DEPDC5: variants seen among roughly 807,000 people sequenced by gnomAD.
The protein encoded by DEPDC5 is GATOR1 complex protein DEPDC5.
DEPDC5 carries 73 observed loss-of-function variants against 217.3 expected under a neutral mutation model. The observed-to-expected ratio is 0.34, with a 90% CI of 0.28 to 0.41. The LOEUF (loss-of-function observed/expected upper bound fraction) is 0.41, where lower values mean the gene tolerates loss of function less well. DEPDC5 is among the 10% of genes least tolerant of loss of function. The pLI is 1.00. For missense variants in DEPDC5, 1,675 were observed against 2,070.1 expected, an observed-to-expected ratio of 0.81 and a Z score of 3.70; for synonymous variants, 733 against 756.7, an observed-to-expected ratio of 0.97 and a Z score of 0.51.
At chr22:31,834,661 C>A (rs11703810) in intron 25 of DEPDC5, among the ~76,000 whole-genome samples, 16,760 of 151,778 alleles carry the variant, frequency 0.11, 983 homozygotes, top group Admixed American at 0.15. Flanking sequence ...GGATTATAGG[C>A]GCGCGCCACC....
rs184721266 is a variant in DEPDC5 at position 31,841,970 on chromosome 22, C to T, written c.2516-1125C>T. Among the ~76,000 whole-genome samples the T allele has an allele frequency of 1.6e-4, 24 of 152,314 alleles. No individual in the cohort carries two copies. The East Asian group carries it at 4.6e-3, about 29-fold the overall frequency. On this transcript the variant is annotated intron_variant, in intron 27 of 42. Transcript: ENST00000651528. ...TGTTCTTTGAGGCATGATTTTTACT[C>T]TCTTGAACACTTGTCATTTTCTTGA... is the stretch of plus-strand genomic sequence containing the variant.
chr22:31,905,947 G>A (rs2093750312), intron 41 of DEPDC5, 37 bp from the exon 42 acceptor site: 5 of 1,577,362 alleles, frequency 3.2e-6, no homozygotes, highest in Non-Finnish European at 4.4e-6. Flanking sequence ...TTTAACTAAG[G>A]AGGCGCTGAT....
In DEPDC5 at chr22:31,777,897, G is replaced by A; in HGVS notation, c.414-202G>A. 7.1e-6 allele frequency: 4 copies of A among 561,452 alleles called. No individual in the cohort carries two copies. The East Asian group carries it at 1.2e-4, about 17-fold the overall frequency. The allele number at this position is 561,452 out of a possible 1,614,324, so 34.8% of individuals were successfully genotyped here. A position where few individuals can be genotyped will look rare whatever the true frequency, so the allele number is the denominator to read the frequency against. On this transcript the variant is annotated intron_variant, in intron 7 of 42. Transcript: ENST00000651528. ...TGAGTAGCTGGGACTACAGGCATGTGTCACCATGCCCGGCTAAATTTTGGA... is the reference window on the plus strand; with the variant it reads ...TGAGTAGCTGGGACTACAGGCATGTATCACCATGCCCGGCTAAATTTTGGA...
intron 10 of DEPDC5, among the ~76,000 whole-genome samples, chr22:31,790,077 AT>A (rs772254852): frequency 5.3e-5 from 8 of 152,180 alleles, no homozygotes; most frequent in Non-Finnish European, 8.8e-5. Flanking sequence ...TTGCACTAAA[AT>A]TAGATAAGGG....
chr22:31,805,999 A>G, intron 17 of DEPDC5, 123 bp from the exon 18 acceptor site: 1 of 752,930 alleles, frequency 1.3e-6, no homozygotes, highest in Non-Finnish European at 2.2e-6. Context: ...AATTGGGAAG[A>G]TTAGTGAAGC....
intron 38 of DEPDC5, chr22:31,891,176 G>GTCAA: frequency 1.8e-6 from 1 of 547,938 alleles, no homozygotes; most frequent in Admixed American, 2.6e-5. Flanking sequence ...TCTTTAAACT[G>GTCAA]TCAAGTACTA....
chr22:31,804,612 G>C (rs2087278533), intron 16 of DEPDC5, among the ~76,000 whole-genome samples: 1 of 152,148 alleles, frequency 6.6e-6, no homozygotes, highest in Non-Finnish European at 1.5e-5. Flanking sequence ...GCTAATTTTT[G>C]TATTTTTAGT....
intron 36 of DEPDC5, 42 bp from the exon 37 acceptor site, chr22:31,876,115 T>C: frequency 6.3e-7 from 1 of 1,592,884 alleles, no homozygotes; most frequent in Non-Finnish European, 8.6e-7. Context: ...CCCTTCAAGA[T>C]GCCTCTCTGC....
At chr22:31,881,784 A>G (rs1406814910) in intron 38 of DEPDC5, among the ~76,000 whole-genome samples, 1 of 151,866 alleles carries the variant, frequency 6.6e-6, no homozygotes, top group East Asian at 1.9e-4. Flanking sequence ...CATCTCTACT[A>G]AAAATACAAA....
intron 27 of DEPDC5, among the ~76,000 whole-genome samples, chr22:31,842,333 C>T (rs912265129): frequency 4.6e-5 from 7 of 152,228 alleles, no homozygotes; most frequent in Middle Eastern, 3.4e-3. Context: ...CCCAGCACTT[C>T]GGGAGGCCGA....
At chr22:31,829,309 A>G (rs2148888587) in intron 24 of DEPDC5, among the ~76,000 whole-genome samples, 1 of 152,290 alleles carries the variant, frequency 6.6e-6, no homozygotes, top group East Asian at 1.9e-4. Context: ...AGGCGGGTGG[A>G]TCACTTGAAG....
At chr22:31,901,100 G>C (rs1468556604) in intron 40 of DEPDC5, among the ~76,000 whole-genome samples, 1 of 151,894 alleles carries the variant, frequency 6.6e-6, no homozygotes, top group African/African-American at 2.4e-5. Context: ...AAAGTTAGCC[G>C]GGTGTGGTGG....
intron 37 of DEPDC5, 63 bp from the exon 38 acceptor site, chr22:31,879,462 T>TAAA: frequency 6.8e-7 from 1 of 1,470,546 alleles, no homozygotes; most frequent in Non-Finnish European, 9.4e-7. Flanking sequence ...AGTTGTAGCA[T>TAAA]GCATCATGAA....
Position 31,868,425 on chromosome 22 carries a change from A to G in DEPDC5, c.3331-2165A>G, listed in dbSNP as rs919138864. Among the ~76,000 whole-genome samples the G allele has an allele frequency of 3.9e-5, 6 of 152,042 alleles. 1 individual carries two copies. In the South Asian group the frequency reaches 1.2e-3, roughly 32 times the overall value. ...TGAGAAGCCTTGTTTTATTTTCTTC[A>G]TTTTATTTATTTATTTTTTTGAGAC... On this transcript the variant is annotated intron_variant, in intron 33 of 42. Transcript: ENST00000651528.
At chr22:31,766,113 C>T (rs992861661) in intron 5 of DEPDC5, among the ~76,000 whole-genome samples, 1 of 152,204 alleles carries the variant, frequency 6.6e-6, no homozygotes, top group African/African-American at 2.4e-5. Context: ...CCCACCACCA[C>T]TTTTCTTGAA....
At chr22:31,810,945 T>C (rs1245984969) in intron 20 of DEPDC5, among the ~76,000 whole-genome samples, 3 of 151,486 alleles carry the variant, frequency 2.0e-5, no homozygotes, top group Non-Finnish European at 4.4e-5. Context: ...CTGGCTAATT[T>C]TGTATTTTTA....
intron 33 of DEPDC5, among the ~76,000 whole-genome samples, chr22:31,868,839 T>G (rs1422350878): frequency 1.3e-5 from 2 of 152,226 alleles, no homozygotes; most frequent in African/African-American, 4.8e-5. Flanking sequence ...CTTACACTTT[T>G]CCAGAATTGC....
intron 7 of DEPDC5, among the ~76,000 whole-genome samples, chr22:31,775,804 G>C (rs1181964419): frequency 6.6e-6 from 1 of 151,994 alleles, no homozygotes; most frequent in Non-Finnish European, 1.5e-5. Context: ...CAGTTTGGGA[G>C]GCCAAGGCGG....
At chr22:31,796,559 C>T (rs537684391) in intron 12 of DEPDC5, among the ~76,000 whole-genome samples, 1 of 152,210 alleles carries the variant, frequency 6.6e-6, no homozygotes, top group East Asian at 1.9e-4. Flanking sequence ...GATAAATTGC[C>T]AGAAATGGAG....
Sources: gnomAD v4.1 joint callset for allele counts (sites outside exome capture counted in the v4.1 genomes callset) on GRCh38, gnomAD v4.1.1 for gene constraint, MANE v1.5 for transcripts, NCBI Gene and HGNC (gene_info 2026-07-23, HGNC 2026-07-21) for gene names.